SDK1: variants seen among roughly 807,000 people sequenced by gnomAD.
The protein encoded by SDK1 is protein sidekick-1.
SDK1 carries 157 observed loss-of-function variants against 245.5 expected under a neutral mutation model. The ratio of observed to expected loss-of-function variants is 0.64; its 90% CI spans 0.56 to 0.73. The LOEUF (loss-of-function observed/expected upper bound fraction) is 0.73, where lower values mean the gene tolerates loss of function less well. Among genes scored for constraint, SDK1 ranks in the 30% least tolerant of loss-of-function variants. The pLI, the probability that SDK1 is intolerant of heterozygous loss-of-function variation, is 0.00. For synonymous variants in SDK1, 1,647 were observed against 1,278.5 expected, an observed-to-expected ratio of 1.29 and a Z score of -6.15; for missense variants, 3,583 against 3,002.3, an observed-to-expected ratio of 1.19 and a Z score of -4.52.
chr7:3,687,081 A>G (rs1317469792), intron 4 of SDK1, among the ~76,000 whole-genome samples: 1 of 150,830 alleles, frequency 6.6e-6, no homozygotes, highest in African/African-American at 2.4e-5. Flanking sequence ...ACACACACAC[A>G]CACACACACA....
At position 3,576,654 on chromosome 7, in the gene SDK1, A is replaced by G. The variant is rs10275784; in HGVS notation, c.299-42426A>G. On this transcript the variant is annotated intron_variant, in intron 1 of 44. Transcript: ENST00000404826. ...CTGTCATTTTTCTCCAGTGTAGGCA[A>G]CGTTATCGATACCCATGTGACTTAT... Among the ~76,000 whole-genome samples the G allele has an allele frequency of 4.6e-5, 7 of 152,114 alleles. No homozygotes were observed. The South Asian group carries it at 6.2e-4, about 14-fold the overall frequency.
chr7:3,994,750 T>G (rs1784577940), intron 14 of SDK1, among the ~76,000 whole-genome samples: 2 of 152,210 alleles, frequency 1.3e-5, no homozygotes, highest in South Asian at 4.1e-4. Flanking sequence ...CTCATGCATT[T>G]TTATCAAATC....
At position 3,840,049 on chromosome 7, in the gene SDK1, C is replaced by T. The variant is rs569864473; in HGVS notation, c.847+18466C>T. On this transcript the variant is annotated intron_variant, in intron 5 of 44. Transcript: ENST00000404826. ...AATCAAAGTGGTCTCTGGGTCCCTC[C>T]GTATGATAGAAAAGAGTGACCTAAA... 5.3e-5 allele frequency among the ~76,000 whole-genome samples: 8 copies of T among 152,038 alleles called. No homozygotes were observed. The South Asian group carries it at 6.2e-4, about 12-fold the overall frequency.
At chr7:3,792,695 T>G (rs1491002690) in intron 4 of SDK1, among the ~76,000 whole-genome samples, 1 of 29,652 alleles carries the variant, frequency 3.4e-5, no homozygotes, top group African/African-American at 1.3e-3. Flanking sequence ...CAGTCTCCCA[T>G]CCATCCATCC....
Position 4,051,796 on chromosome 7 carries a change from C to T in SDK1, c.2877C>T (p.Pro959=). ...LCFTTPGDGP[P]STPQLVWTQE... ...TCACCACCCCTGGGGACGGGCCTCC[C>T]AGCACACCTCAGCTGGTCTGGACTC... Residue 959 remains proline (P), a synonymous_variant, in exon 19 of 45, where the codon CCC becomes CCT. Transcript: ENST00000404826. 6.2e-7 allele frequency: 1 copy of T among 1,613,494 alleles called. No homozygotes were observed. Among genetic ancestry groups the T allele is most frequent in the Non-Finnish European group, 8.5e-7 (1 of 1,179,732 alleles).
At position 3,988,482 on chromosome 7, in the gene SDK1, C is replaced by T. The variant is rs73673208; in HGVS notation, c.2131+1160C>T. ...GACCAGGCCACTCCCCTGTCCACGTCCTGCAGGGGTTCCTGCTGCGTGCAA... is the reference window on the plus strand; with the variant it reads ...GACCAGGCCACTCCCCTGTCCACGTTCTGCAGGGGTTCCTGCTGCGTGCAA... On this transcript the variant is annotated intron_variant, in intron 14 of 44. Coordinates refer to ENST00000404826, the MANE Select transcript of SDK1 (RefSeq NM_152744.4). 5.2e-3 allele frequency among the ~76,000 whole-genome samples: 799 copies of T among 152,266 alleles called. 7 individuals are homozygous for T. Among genetic ancestry groups the T allele is most frequent in the African/African-American group, 0.018 (755 of 41,534 alleles).
intron 5 of SDK1, among the ~76,000 whole-genome samples, chr7:3,869,212 G>C (rs1352426684): frequency 3.4e-5 from 5 of 145,734 alleles, no homozygotes; most frequent in African/African-American, 1.3e-4. Context: ...CTGGAGTGCA[G>C]TGATGCAATC....
At chr7:3,410,621 C>T (rs969772830) in intron 1 of SDK1, among the ~76,000 whole-genome samples, 1 of 120,900 alleles carries the variant, frequency 8.3e-6, no homozygotes, top group Non-Finnish European at 1.6e-5. Context: ...GAGTCTTGCT[C>T]TGTCGCCTAG....
At chr7:3,603,499 A>G (rs1300241943) in intron 1 of SDK1, among the ~76,000 whole-genome samples, 3 of 151,644 alleles carry the variant, frequency 2.0e-5, no homozygotes, top group Non-Finnish European at 2.9e-5. Context: ...TTATTGGTGT[A>G]TAAGAATGCT....
chr7:3,636,197 C>T (rs1782453101), intron 2 of SDK1, among the ~76,000 whole-genome samples: 1 of 152,132 alleles, frequency 6.6e-6, no homozygotes, highest in African/African-American at 2.4e-5. Context: ...TCCTCCTGCC[C>T]TCTTCATTAT....
intron 5 of SDK1, among the ~76,000 whole-genome samples, chr7:3,880,490 A>C (rs1781180707): frequency 6.6e-6 from 1 of 151,980 alleles, no homozygotes; most frequent in Non-Finnish European, 1.5e-5. Context: ...CCAAGATCAA[A>C]AAAGTGCAGC....
intron 1 of SDK1, among the ~76,000 whole-genome samples, chr7:3,468,184 A>G (rs1400063124): frequency 6.6e-6 from 1 of 152,166 alleles, no homozygotes; most frequent in South Asian, 2.1e-4. Context: ...TCTGTTATTC[A>G]TGCTTTTCTA....
intron 40 of SDK1, among the ~76,000 whole-genome samples, chr7:4,225,854 C>G (rs949610014): frequency 6.6e-6 from 1 of 152,078 alleles, no homozygotes; most frequent in Non-Finnish European, 1.5e-5. Context: ...GCTGAAGATC[C>G]TGCACTTAAT....
chr7:3,380,471 CACTT>C (rs1280902365), intron 1 of SDK1, among the ~76,000 whole-genome samples: 1 of 152,194 alleles, frequency 6.6e-6, no homozygotes, highest in African/African-American at 2.4e-5. Flanking sequence ...TGCAGAATAG[CACTT>C]ACATATTCAG....
At chr7:3,729,251 A>G (rs933988594) in intron 4 of SDK1, among the ~76,000 whole-genome samples, 2 of 152,216 alleles carry the variant, frequency 1.3e-5, no homozygotes, top group African/African-American at 4.8e-5. Flanking sequence ...GTTAGCATTT[A>G]GATATTCAGG....
chr7:3,328,119 G>A (rs1037275703), intron 1 of SDK1, among the ~76,000 whole-genome samples: 15 of 152,072 alleles, frequency 9.9e-5, no homozygotes, highest in African/African-American at 3.4e-4. Flanking sequence ...CTTTCTGCCC[G>A]AAGATAATTG....
At chr7:3,964,455 C>CT (rs944806440) in intron 9 of SDK1, among the ~76,000 whole-genome samples, 27 of 152,158 alleles carry the variant, frequency 1.8e-4, no homozygotes, top group Admixed American at 2.6e-4. Context: ...TTCTTTTGAT[C>CT]TTTTTTTCCT....
chr7:4,132,963 C>T (rs1327010437), intron 28 of SDK1, among the ~76,000 whole-genome samples: 2 of 152,154 alleles, frequency 1.3e-5, no homozygotes, highest in African/African-American at 2.4e-5. Context: ...TTCTTCCATT[C>T]GTTTGCGGCT....
intron 5 of SDK1, among the ~76,000 whole-genome samples, chr7:3,838,595 A>G (rs144203493): frequency 4.7e-4 from 72 of 152,292 alleles, no homozygotes; most frequent in Admixed American, 8.5e-4. Context: ...AGAACTGTCT[A>G]TGACCAGCCT....
Sources: gnomAD v4.1 joint callset for allele counts (sites outside exome capture counted in the v4.1 genomes callset) on GRCh38, gnomAD v4.1.1 for gene constraint, MANE v1.5 for transcripts, NCBI Gene and HGNC (gene_info 2026-07-23, HGNC 2026-07-21) for gene names.